The following STK38L variants were observed in gnomAD, a reference collection of about 807,000 sequenced individuals.
STK38L encodes the protein serine/threonine-protein kinase 38-like.
Under a neutral mutation model 59.7 loss-of-function variants are expected in STK38L, and 28 were observed. That is an observed-to-expected ratio of 0.47 (90% CI 0.35 to 0.64). The LOEUF is 0.64. Ranked by LOEUF, STK38L falls within the 30% of genes least tolerant of loss-of-function variation. The pLI, the probability that STK38L is intolerant of heterozygous loss-of-function variation, is 0.01. For synonymous variants in STK38L, 162 were observed against 176.8 expected (o/e 0.92, Z 0.66); for missense variants, 314 against 555.8 (o/e 0.56, Z 4.37).
intron 1 of STK38L, among the ~76,000 whole-genome samples, chr12:27,285,150 G>T (rs1461988726): frequency 6.6e-6 from 1 of 152,178 alleles, no homozygotes; most frequent in Non-Finnish European, 1.5e-5. Context: ...AAGGACTGCT[G>T]CTTCTGGCTC....
At chr12:27,320,442 ATTT>A (rs34281958) in intron 12 of STK38L, among the ~76,000 whole-genome samples, 159 of 91,886 alleles carry the variant, frequency 1.7e-3, no homozygotes, top group African/African-American at 6.8e-3. Flanking sequence ...AATTTTGTTG[ATTT>A]TTTTTTTTTT....
intron 1 of STK38L, among the ~76,000 whole-genome samples, chr12:27,269,845 G>A (rs1457927687): frequency 2.0e-5 from 3 of 152,162 alleles, no homozygotes; most frequent in African/African-American, 7.2e-5. Context: ...GTTTCGCCAT[G>A]TTGGCCAGGC....
chr12:27,278,673 T>C (rs1943588350), intron 1 of STK38L, among the ~76,000 whole-genome samples: 1 of 152,230 alleles, frequency 6.6e-6, no homozygotes, highest in African/African-American at 2.4e-5. Flanking sequence ...GTTTGTTGAA[T>C]ATCTCATTTT....
rs1294902783 is a variant in STK38L at position 27,325,761 on chromosome 12, G to C, written c.*3306G>C. 1 of 152,054 alleles carries C rather than the reference G, an allele frequency of 6.6e-6. No individual in the cohort carries two copies. The highest frequency in any genetic ancestry group is 1.5e-5 in the Non-Finnish European group (1 of 68,006). 9.4% of individuals were successfully genotyped at this position (152,054 alleles called of 1,614,324 possible). A position where few individuals can be genotyped will look rare whatever the true frequency, so the allele number is the denominator to read the frequency against. On this transcript the variant is annotated 3_prime_UTR_variant, in exon 14 of 14. Coordinates refer to ENST00000389032, the MANE Select transcript of STK38L (RefSeq NM_015000.4). ...TATGAAAAAAATGTGAGGGGATATT[G>C]CTGCTTTAAAAAGGAATAAAGTAAT...
At chr12:27,295,680 G>A (rs1944001633) in intron 1 of STK38L, among the ~76,000 whole-genome samples, 3 of 152,188 alleles carry the variant, frequency 2.0e-5, no homozygotes, top group Admixed American at 2.0e-4. Flanking sequence ...GTTTGGTGGA[G>A]TAACTGTTAG....
At chr12:27,321,480 T>C (rs1382381107) in intron 12 of STK38L, among the ~76,000 whole-genome samples, 1 of 152,216 alleles carries the variant, frequency 6.6e-6, no homozygotes, top group Non-Finnish European at 1.5e-5. Context: ...TTATGGATTG[T>C]CTACTAGTAG....
At chr12:27,286,251 C>A (rs915839334) in intron 1 of STK38L, among the ~76,000 whole-genome samples, 7 of 152,266 alleles carry the variant, frequency 4.6e-5, no homozygotes, top group Admixed American at 3.9e-4. Context: ...TTCCCCTTTA[C>A]CCCTGCCCCC....
intron 1 of STK38L, among the ~76,000 whole-genome samples, chr12:27,275,015 C>T (rs1943503092): frequency 6.6e-6 from 1 of 152,122 alleles, no homozygotes; most frequent in Non-Finnish European, 1.5e-5. Flanking sequence ...ATCCACCTTC[C>T]TGCCCCAACA....
At chr12:27,311,371 A>T (rs1183846441) in intron 5 of STK38L, among the ~76,000 whole-genome samples, 1 of 152,230 alleles carries the variant, frequency 6.6e-6, no homozygotes, top group Non-Finnish European at 1.5e-5. Context: ...AGTAATTCCA[A>T]ATATGACACT....
At chr12:27,311,889 T>G (rs1419772552) in intron 5 of STK38L, among the ~76,000 whole-genome samples, 1 of 149,596 alleles carries the variant, frequency 6.7e-6, no homozygotes, top group East Asian at 1.9e-4. Context: ...TGCTTACTCT[T>G]TTTTTTTTTG....
chr12:27,269,174 T>G (rs1272209909), intron 1 of STK38L, among the ~76,000 whole-genome samples: 3 of 152,204 alleles, frequency 2.0e-5, no homozygotes, highest in Non-Finnish European at 4.4e-5. Flanking sequence ...TTTTGGTGTT[T>G]TAGACATGAA....
intron 1 of STK38L, among the ~76,000 whole-genome samples, chr12:27,249,618 G>A (rs1407654420): frequency 6.6e-6 from 1 of 152,208 alleles, no homozygotes; most frequent in Non-Finnish European, 1.5e-5. Context: ...GATTACAGGC[G>A]TGAGCCACTG....
At chr12:27,265,143 T>C (rs1340298717) in intron 1 of STK38L, among the ~76,000 whole-genome samples, 1 of 151,992 alleles carries the variant, frequency 6.6e-6, no homozygotes, top group African/African-American at 2.4e-5. Context: ...AATTGAAAAA[T>C]GCAAAAAGGT....
intron 1 of STK38L, among the ~76,000 whole-genome samples, chr12:27,254,637 A>G (rs915128403): frequency 1.3e-5 from 2 of 152,170 alleles, no homozygotes; most frequent in African/African-American, 4.8e-5. Context: ...GGTAGTCTCT[A>G]ATTCAAATTA....
chr12:27,294,363 T>C (rs1943961974), intron 1 of STK38L, among the ~76,000 whole-genome samples: 2 of 151,932 alleles, frequency 1.3e-5, no homozygotes, highest in African/African-American at 2.4e-5. Flanking sequence ...CTACTAAATA[T>C]ACAAACATTA....
In STK38L at chr12:27,271,785, C is replaced by A. The variant is rs554561305; in HGVS notation, c.-11-25925C>A. ...CACGATCTCGTCTCACTGCATCTTC[C>A]GCCTCATGAGTTCAAGAGATCCTCC... On this transcript the variant is annotated intron_variant, in intron 1 of 13. Transcript: ENST00000389032. Among the ~76,000 whole-genome samples, 4 of 152,230 alleles carry A rather than the reference C, an allele frequency of 2.6e-5. No homozygotes were observed. In the East Asian group the frequency reaches 7.7e-4, roughly 29 times the overall value.
At chr12:27,264,043 C>G (rs1943254931) in intron 1 of STK38L, among the ~76,000 whole-genome samples, 2 of 152,162 alleles carry the variant, frequency 1.3e-5, no homozygotes, top group African/African-American at 4.8e-5. Context: ...TATGGTATGT[C>G]TTCTCGTTGA....
chr12:27,257,261 G>A (rs1417337346), intron 1 of STK38L, among the ~76,000 whole-genome samples: 1 of 152,204 alleles, frequency 6.6e-6, no homozygotes, highest in Non-Finnish European at 1.5e-5. Flanking sequence ...AATGGGGAGT[G>A]TCACTAAGTC....
intron 1 of STK38L, among the ~76,000 whole-genome samples, chr12:27,273,793 CT>C (rs1431226967): frequency 6.6e-6 from 1 of 152,312 alleles, no homozygotes; most frequent in African/African-American, 2.4e-5. Flanking sequence ...AGGACATTGT[CT>C]AGATAATCTA....
Sources: gnomAD v4.1 joint callset for allele counts (sites outside exome capture counted in the v4.1 genomes callset) on GRCh38, gnomAD v4.1.1 for gene constraint, MANE v1.5 for transcripts, NCBI Gene and HGNC (gene_info 2026-07-23, HGNC 2026-07-21) for gene names.